The following RBFOX1 variants were observed in gnomAD, a reference collection of about 807,000 sequenced individuals.
RBFOX1 encodes RNA binding protein fox-1 homolog 1.
Under a neutral mutation model 57.7 loss-of-function variants are expected in RBFOX1, and 8 were observed. The observed-to-expected ratio is 0.14, with a 90% CI of 0.08 to 0.25. The LOEUF (loss-of-function observed/expected upper bound fraction) is 0.25, where lower values mean the gene tolerates loss of function less well. Among genes scored for constraint, RBFOX1 ranks in the 10% least tolerant of loss-of-function variants. The pLI is 1.00. For synonymous variants in RBFOX1, 326 were observed against 222.4 expected (o/e 1.47, Z -4.15); for missense variants, 611 against 548.5 (o/e 1.11, Z -1.14).
intron 2 of RBFOX1, among the ~76,000 whole-genome samples, chr16:5,547,475 A>G (rs562410198): frequency 8.8e-4 from 134 of 152,152 alleles, no homozygotes; most frequent in Admixed American, 3.3e-3. Context: ...AAGTCTCAAA[A>G]TCTTTATGCT....
intron 3 of RBFOX1, among the ~76,000 whole-genome samples, chr16:6,759,473 C>CTG (rs71145287): frequency 0.036 from 5,177 of 142,804 alleles, 188 homozygotes; most frequent in African/African-American, 0.096. Context: ...TGTCAGTTGT[C>CTG]TGTGTGTGTG....
chr16:7,111,878 G>C (rs900751375), intron 4 of RBFOX1, among the ~76,000 whole-genome samples: 1 of 151,950 alleles, frequency 6.6e-6, no homozygotes, highest in South Asian at 2.1e-4. Flanking sequence ...CAGTTGAATT[G>C]AAAAGCTGCT....
At position 6,654,630 on chromosome 16, in the gene RBFOX1, G is replaced by C. The variant is rs1319868235; in HGVS notation, c.-36G>C. ...TATCAAAGCAGACTGCAATACCTGC[G>C]TGGAAATAGAAGACAGAAAGGTGAG... On this transcript the variant is annotated 5_prime_UTR_variant, in exon 3 of 16. Coordinates refer to ENST00000550418, the MANE Select transcript of RBFOX1 (RefSeq NM_018723.4). The C allele has an allele frequency of 3.1e-5, 47 of 1,508,488 alleles. No individual in the cohort carries two copies. The highest frequency in any genetic ancestry group is 4.1e-5 in the Non-Finnish European group (47 of 1,137,766). The allele number at this position is 1,508,488 out of a possible 1,614,324, so 93.4% of individuals were successfully genotyped here.
At chr16:5,999,867 C>CAAAAAAA (rs869221577) in intron 4 of RBFOX1, among the ~76,000 whole-genome samples, 2 of 27,672 alleles carry the variant, frequency 7.2e-5, no homozygotes, top group African/African-American at 1.5e-4. Flanking sequence ...GACTCCACCT[C>CAAAAAAA]AAAAAAAAAA....
chr16:5,476,020 A>G (rs2069309004), intron 2 of RBFOX1, among the ~76,000 whole-genome samples: 1 of 152,036 alleles, frequency 6.6e-6, no homozygotes, highest in South Asian at 2.1e-4. Context: ...AAATGTATTT[A>G]TACCAAGCAG....
chr16:6,712,214 T>G (rs1291791515), intron 3 of RBFOX1, among the ~76,000 whole-genome samples: 4 of 152,168 alleles, frequency 2.6e-5, no homozygotes, highest in African/African-American at 9.7e-5. Flanking sequence ...TCAGCTATGG[T>G]CAGCAAGGTT....
At chr16:5,803,813 G>A (rs1057062240) in intron 3 of RBFOX1, among the ~76,000 whole-genome samples, 1 of 152,048 alleles carries the variant, frequency 6.6e-6, no homozygotes, top group Non-Finnish European at 1.5e-5. Flanking sequence ...TAAAGGTCTG[G>A]GATTGCAGAA....
At chr16:5,721,956 G>T (rs2051953164) in intron 3 of RBFOX1, among the ~76,000 whole-genome samples, 2 of 152,178 alleles carry the variant, frequency 1.3e-5, no homozygotes, top group South Asian at 4.1e-4. Flanking sequence ...AAGCTACCTG[G>T]AAGGTCTTGA....
At chr16:6,580,470 ACAG>A (rs1036893142) in intron 2 of RBFOX1, among the ~76,000 whole-genome samples, 2 of 152,220 alleles carry the variant, frequency 1.3e-5, no homozygotes, top group South Asian at 2.1e-4. Context: ...ACAATAATAA[ACAG>A]CAGGCAAGAT....
chr16:6,568,710 CTT>C (rs1344353915), intron 2 of RBFOX1, among the ~76,000 whole-genome samples: 1 of 152,118 alleles, frequency 6.6e-6, no homozygotes, highest in African/African-American at 2.4e-5. Context: ...TTCCTAATGT[CTT>C]CTTCCATTTC....
intron 4 of RBFOX1, among the ~76,000 whole-genome samples, chr16:7,268,952 G>T (rs78905679): frequency 0.056 from 8,236 of 147,222 alleles, 757 homozygotes; most frequent in African/African-American, 0.19. Context: ...CAGGAGAACC[G>T]CTTGAACCCT....
In RBFOX1 at chr16:7,712,994, G is replaced by C. The variant is rs951885332; in HGVS notation, c.*2249G>C. ...TAATAAAATCATTTAGAGTGAGTGA[G>C]TGCCAACCGATGTTGCAGAATCTTT... On this transcript the variant is annotated 3_prime_UTR_variant, in exon 16 of 16. Transcript: ENST00000550418. 1.3e-5 allele frequency: 2 copies of C among 152,204 alleles called. No individual in the cohort carries two copies. Among genetic ancestry groups the C allele is most frequent in the African/African-American group, 4.8e-5 (2 of 41,448 alleles). The allele number at this position is 152,204 out of a possible 1,614,324, so 9.4% of individuals were successfully genotyped here.
intron 1 of RBFOX1, among the ~76,000 whole-genome samples, chr16:5,353,099 TGTG>T (rs1368334977): frequency 5.3e-5 from 8 of 151,932 alleles, no homozygotes; most frequent in Non-Finnish European, 8.8e-5. Context: ...TCAGGCTGGG[TGTG>T]GTGGTGCACG....
chr16:6,105,077 A>G (rs186902996), intron 1 of RBFOX1, among the ~76,000 whole-genome samples: 5 of 152,312 alleles, frequency 3.3e-5, no homozygotes, highest in Admixed American at 3.3e-4. Flanking sequence ...TCAGAAGCCA[A>G]GAAGGAGATG....
At chr16:6,367,108 C>T (rs1472632233) in intron 2 of RBFOX1, among the ~76,000 whole-genome samples, 3 of 152,178 alleles carry the variant, frequency 2.0e-5, no homozygotes, top group Non-Finnish European at 4.4e-5. Context: ...CAAAGTTCCA[C>T]CTCGATGCAG....
intron 1 of RBFOX1, among the ~76,000 whole-genome samples, chr16:6,177,883 A>G (rs942471643): frequency 1.3e-5 from 2 of 151,368 alleles, no homozygotes; most frequent in Non-Finnish European, 2.9e-5. Context: ...CATCTAATTC[A>G]GGAAGAACTT....
At chr16:7,682,607 T>A (rs953057772) in intron 14 of RBFOX1, among the ~76,000 whole-genome samples, 2 of 149,572 alleles carry the variant, frequency 1.3e-5, no homozygotes, top group African/African-American at 4.9e-5. Context: ...GGTTCTATAA[T>A]TTTTTTTAAA....
At chr16:7,139,298 C>A (rs1374443647) in intron 4 of RBFOX1, among the ~76,000 whole-genome samples, 2 of 151,776 alleles carry the variant, frequency 1.3e-5, no homozygotes, top group Non-Finnish European at 2.9e-5. Context: ...GCAGAACATC[C>A]AACATAATCA....
chr16:5,506,378 C>G (rs569889928), intron 2 of RBFOX1, among the ~76,000 whole-genome samples: 1 of 152,202 alleles, frequency 6.6e-6, no homozygotes, highest in South Asian at 2.1e-4. Flanking sequence ...CTGTCCTTCT[C>G]TGACTCCGTG....
Sources: allele counts gnomAD v4.1 joint callset (sites outside exome capture counted in the v4.1 genomes callset), GRCh38; gene constraint gnomAD v4.1.1; transcripts MANE v1.5; gene names NCBI Gene and HGNC (gene_info 2026-07-23, HGNC 2026-07-21).